The following ZMIZ2 variants were observed in gnomAD, a reference collection of about 807,000 sequenced individuals.
ZMIZ2 encodes the protein zinc finger MIZ-type containing 2, also known as zinc finger MIZ domain-containing protein 2.
ZMIZ2 carries 26 observed loss-of-function variants against 93.9 expected under a neutral mutation model. The ratio of observed to expected loss-of-function variants is 0.28; its 90% CI spans 0.20 to 0.38. ZMIZ2 has a LOEUF of 0.38. Among genes scored for constraint, ZMIZ2 ranks in the 10% least tolerant of loss-of-function variants. The pLI is 1.00. For synonymous variants in ZMIZ2, 485 were observed against 516.4 expected, an observed-to-expected ratio of 0.94 and a Z score of 0.82; for missense variants, 1,023 against 1,235.0, an observed-to-expected ratio of 0.83 and a Z score of 2.57.
At chr7:44,762,767 T>A in intron 11 of ZMIZ2, 114 bp from the exon 12 acceptor site, 6 of 448,254 alleles carry the variant, frequency 1.3e-5, no homozygotes, top group Non-Finnish European at 1.4e-5. Context: ...GCCCTCAGCC[T>A]TGTCCCTCCC....
chr7:44,756,695 C>G (rs1260853676), intron 3 of ZMIZ2, 156 bp downstream of exon 3: 1 of 834,290 alleles, frequency 1.2e-6, no homozygotes, highest in Non-Finnish European at 1.9e-6. Flanking sequence ...TCCTGAGTCC[C>G]CTAAGTCTTT....
At chr7:44,753,741 C>T (rs190917640) in intron 1 of ZMIZ2, among the ~76,000 whole-genome samples, 14 of 152,278 alleles carry the variant, frequency 9.2e-5, no homozygotes, top group Admixed American at 2.6e-4. Context: ...TCTAAGAGCT[C>T]TTTGGCCTAG....
chr7:44,765,899 C>T lies in ZMIZ2; in HGVS notation c.2243-265C>T. 1 of 1,393,472 alleles carries T rather than the reference C, an allele frequency of 7.2e-7. No individual in the cohort carries two copies. The highest frequency in any genetic ancestry group is 9.3e-7 in the Non-Finnish European group (1 of 1,075,450). 86.3% of individuals were successfully genotyped at this position (1,393,472 alleles called of 1,614,324 possible). On this transcript the variant is annotated intron_variant, in intron 16 of 18. Coordinates refer to ENST00000309315, the MANE Select transcript of ZMIZ2 (RefSeq NM_031449.4). The surrounding 1 kb of genome is among the most constrained non-coding windows in gnomAD (Gnocchi z 4.1). ...TCTGGGGCCCCCCTCTGGGACCCAC[C>T]TCACACGCGTGGTGCGTTTGTTTGT...
rs565294644 is a variant in ZMIZ2, at chr7:44,761,250, C to T, written c.1241-199C>T. On this transcript the variant is annotated intron_variant, in intron 9 of 18. Transcript: ENST00000309315. The surrounding 1 kb of genome is among the most constrained non-coding windows in gnomAD (Gnocchi z 5.8). ...AAGACAGAACATCACGACCGAATGC[C>T]CAGGCCTCAGGAGAGATGCTGCCCA... is the stretch of plus-strand genomic sequence containing the variant. 3.3e-4 allele frequency among the ~76,000 whole-genome samples: 50 copies of T among 152,356 alleles called. No individual in the cohort carries two copies. Among genetic ancestry groups the T allele is most frequent in the Admixed American group, 2.4e-3 (37 of 15,304 alleles).
rs1562754111 is a variant in ZMIZ2, at chr7:44,767,743, C to G, written c.*120C>G. 13 of 864,602 alleles carry G rather than the reference C, an allele frequency of 1.5e-5. No individual in the cohort carries two copies. Among genetic ancestry groups the G allele is most frequent in the Admixed American group, 4.2e-5 (2 of 48,114 alleles). The allele number at this position is 864,602 out of a possible 1,614,324, so 53.6% of individuals were successfully genotyped here. A position where few individuals can be genotyped will look rare whatever the true frequency, so the allele number is the denominator to read the frequency against. ...TTCCCAAACCTCCCCCAAAACACACCTGGAGCCAGAGCCTTCTGCCGCCAG... is the reference window on the plus strand; with the variant it reads ...TTCCCAAACCTCCCCCAAAACACACGTGGAGCCAGAGCCTTCTGCCGCCAG... On this transcript the variant is annotated 3_prime_UTR_variant, in exon 19 of 19. Coordinates refer to ENST00000309315, the MANE Select transcript of ZMIZ2 (RefSeq NM_031449.4).
In ZMIZ2 at chr7:44,760,243, C is replaced by T. The variant is rs370518510; in HGVS notation, c.1071+15C>T. 31 of 1,607,118 alleles carry T rather than the reference C, an allele frequency of 1.9e-5. No homozygotes were observed. The highest frequency in any genetic ancestry group is 1.4e-4 in the South Asian group (13 of 90,410). On this transcript the variant is annotated intron_variant, in intron 8 of 18. Transcript: ENST00000309315. The stretch of plus-strand genomic sequence containing the variant: ...GCCTGAGTGGGGTAGGGGGCCTGGC[C>T]GGGAGGATGGGCCGGGAGGCTCACA...
Position 44,763,038 on chromosome 7 carries a change from G to A in ZMIZ2, c.1702+52G>A. The A allele has an allele frequency of 6.4e-7, 1 of 1,551,648 alleles. No individual in the cohort carries two copies. Among genetic ancestry groups the A allele is most frequent in the Non-Finnish European group, 8.8e-7 (1 of 1,136,854 alleles). ...CAGGCAGCCATCCCCATTCTGTGTG[G>A]CCCAAGCCCAACAATCCTCCTTGTG... On this transcript the variant is annotated intron_variant, in intron 12 of 18. Coordinates refer to ENST00000309315, the MANE Select transcript of ZMIZ2 (RefSeq NM_031449.4). The surrounding 1 kb of genome is among the most constrained non-coding windows in gnomAD (Gnocchi z 5.6).
At position 44,760,131 on chromosome 7, in the gene ZMIZ2, T is replaced by G. The variant is rs367855316; in HGVS notation, c.994-20T>G. The G allele has an allele frequency of 5.0e-5, 81 of 1,613,670 alleles. No homozygotes were observed. Among genetic ancestry groups the G allele is most frequent in the Non-Finnish European group, 6.2e-5 (73 of 1,179,960 alleles). ...GGGTCAGGTTGGAGCCCCAGGTGCA[T>G]GCAGTTTTCTCTCCCGCAGCCCACA... On this transcript the variant is annotated intron_variant, in intron 7 of 18. Coordinates refer to ENST00000309315, the MANE Select transcript of ZMIZ2 (RefSeq NM_031449.4).
chr7:44,756,544 G>A lies in ZMIZ2; in HGVS notation c.165+5G>A, dbSNP rs758983021. 5 of 1,613,862 alleles carry A rather than the reference G, an allele frequency of 3.1e-6. No individual in the cohort carries two copies. The East Asian group carries it at 6.7e-5, about 22-fold the overall frequency. On this transcript the variant is annotated splice_donor_5th_base_variant and intron_variant, in intron 3 of 18. Coordinates refer to ENST00000309315, the MANE Select transcript of ZMIZ2 (RefSeq NM_031449.4). The stretch of plus-strand genomic sequence containing the variant: ...GGCAACGCGACACAGAGCCAGGTAA[G>A]CACCCACTGGTGCCCCACCCCCGAG...
Position 44,759,471 on chromosome 7 carries a change from C to G in ZMIZ2, c.993+11C>G, listed in dbSNP as rs1790945331. The stretch of plus-strand genomic sequence containing the variant: ...GGACTGCATTATAAGGTAGGGCAGG[C>G]TCCTCCAGGCCCTGTGCCGGGCTCC... On this transcript the variant is annotated intron_variant, in intron 7 of 18. Transcript: ENST00000309315. 4.0e-6 allele frequency: 6 copies of G among 1,483,168 alleles called. No individual in the cohort carries two copies. Among genetic ancestry groups the G allele is most frequent in the Non-Finnish European group, 5.4e-6 (6 of 1,113,980 alleles). The allele number at this position is 1,483,168 out of a possible 1,614,324, so 91.9% of individuals were successfully genotyped here.
chr7:44,755,073 GT>G lies in ZMIZ2; in HGVS notation c.-62-1114del, dbSNP rs542719783. On this transcript the variant is annotated intron_variant, in intron 1 of 18. Coordinates refer to ENST00000309315, the MANE Select transcript of ZMIZ2 (RefSeq NM_031449.4). ...CACTCAGAAGCAGCCTGAAGGTGTG[GT>G]CACTTCCGTGGCTTATTTACTAAAT... Among the ~76,000 whole-genome samples the G allele has an allele frequency of 4.7e-4, 72 of 152,270 alleles. 1 individual carries two copies. Among genetic ancestry groups the G allele is most frequent in the Middle Eastern group, 6.8e-3 (2 of 294 alleles).
rs1791745770 is a variant in ZMIZ2 at position 44,766,691 on chromosome 7, T to C, written c.2655+28T>C. 1 of 1,607,532 alleles carries C rather than the reference T, an allele frequency of 6.2e-7. No individual in the cohort carries two copies. Among genetic ancestry groups the C allele is most frequent in the African/African-American group, 1.3e-5 (1 of 74,366 alleles). On this transcript the variant is annotated intron_variant, in intron 18 of 18. Transcript: ENST00000309315. The surrounding 1 kb of genome is among the most constrained non-coding windows in gnomAD (Gnocchi z 4.4). ...GAGTACCAGGCCCCATGCGGGGGAG[T>C]GCGTGGGAGCCAGGGCTAGAGGTGG... is the stretch of plus-strand genomic sequence containing the variant.
At chr7:44,759,738 G>A (rs1033285792) in intron 7 of ZMIZ2, 6 of 477,012 alleles carry the variant, frequency 1.3e-5, no homozygotes, top group Admixed American at 3.9e-5. Context: ...CCTGTGCAGG[G>A]AGCAGCAGGT....
rs769069807 is a variant in ZMIZ2 at position 44,765,410 on chromosome 7, C to G, written c.2073C>G (p.Ile691Met). 27 of 1,612,378 alleles carry G rather than the reference C, an allele frequency of 1.7e-5. No individual in the cohort carries two copies. The Middle Eastern group carries it at 9.9e-4, about 59-fold the overall frequency. The change falls in exon 16 of 19, where the codon ATC becomes ATG. Residue 691 changes from isoleucine to methionine, a missense_variant. Ile to Met is a conservative substitution (Grantham distance 10, BLOSUM62 1). Coordinates refer to ENST00000309315, the MANE Select transcript of ZMIZ2 (RefSeq NM_031449.4). The surrounding 1 kb of genome is among the most constrained non-coding windows in gnomAD (Gnocchi z 4.1). Reference protein sequence around the residue: ...KPVPVKPDMHIKEEPDGPALK... With the variant: ...KPVPVKPDMHMKEEPDGPALK... Reference sequence around the variant, plus strand: ...TGCCCGTGAAGCCTGACATGCACATCAAGGAGGAGCCGGATGGGCCAGCAC... The same window carrying G: ...TGCCCGTGAAGCCTGACATGCACATGAAGGAGGAGCCGGATGGGCCAGCAC...
chr7:44,749,558 T>G (rs1355771438), intron 1 of ZMIZ2, among the ~76,000 whole-genome samples: 1 of 152,170 alleles, frequency 6.6e-6, no homozygotes, highest in African/African-American at 2.4e-5. Flanking sequence ...GGGACACCCC[T>G]TTCCAAACTG....
Position 44,765,619 on chromosome 7 carries a change from G to T in ZMIZ2, c.2242+40G>T. ...CTAGCCTTGAACCTCAGATGACCCT[G>T]GGCATATGGCTCCTCTCCCCAGATC... On this transcript the variant is annotated intron_variant, in intron 16 of 18. Coordinates refer to ENST00000309315, the MANE Select transcript of ZMIZ2 (RefSeq NM_031449.4). This position sits in a 1 kb window ranked among gnomAD's most constrained non-coding sequence, Gnocchi z 4.1. 2 of 1,572,436 alleles carry T rather than the reference G, an allele frequency of 1.3e-6. No homozygotes were observed. Among genetic ancestry groups the T allele is most frequent in the Non-Finnish European group, 1.7e-6 (2 of 1,163,696 alleles).
rs77553241 is a variant in ZMIZ2, at chr7:44,762,946, C to G, written c.1662C>G (p.Leu554=). ...TCCGCTCGGTGCTGCAGGGCCTCCTCAAAAAGCGCCTCCTGCCTGCTGAGC... is the reference window on the plus strand; with the variant it reads ...TCCGCTCGGTGCTGCAGGGCCTCCTGAAAAAGCGCCTCCTGCCTGCTGAGC... The part of the protein sequence containing the change: ...PSVRSVLQGL[L]KKRLLPAEHC... Residue 554 remains leucine, a synonymous_variant, in exon 12 of 19, where the codon CTC becomes CTG. Transcript: ENST00000309315. 2.7e-3 allele frequency: 4,361 copies of G among 1,613,588 alleles called. 125 individuals carry two copies. The Admixed American group carries it at 0.048, about 18-fold the overall frequency.
chr7:44,757,648 C>T (rs1406122701), intron 5 of ZMIZ2, 87 bp downstream of exon 5: 3 of 1,484,778 alleles, frequency 2.0e-6, no homozygotes, highest in Non-Finnish European at 2.7e-6. Context: ...GCTCCAGGGA[C>T]AAGCATGGAA....
intron 6 of ZMIZ2, among the ~76,000 whole-genome samples, chr7:44,758,882 C>T (rs1252910974): frequency 3.4e-5 from 5 of 146,466 alleles, no homozygotes; most frequent in African/African-American, 1.3e-4. Flanking sequence ...CCACTGCACT[C>T]CAGCCTGGGT....
Sources: gnomAD v4.1 joint callset for allele counts (sites outside exome capture counted in the v4.1 genomes callset) on GRCh38, gnomAD v4.1.1 for gene constraint, Gnocchi (gnomAD v3.1) non-coding constraint, MANE v1.5 for transcripts, NCBI Gene and HGNC (gene_info 2026-07-23, HGNC 2026-07-21) for gene names.